The following STK33 variants were observed in gnomAD, a reference collection of about 807,000 sequenced individuals.
STK33 encodes the protein serine/threonine kinase 33, also known as serine/threonine-protein kinase 33.
In STK33, 52 loss-of-function variants were observed where a neutral mutation model predicts 58.0. That is an observed-to-expected ratio of 0.90 (90% CI 0.72 to 1.13). The LOEUF is 1.13. Among genes scored for constraint, STK33 ranks in the 50% most tolerant of loss-of-function variants. STK33 has a pLI of 0.00. For missense variants in STK33, 630 were observed against 604.2 expected (o/e 1.04, Z -0.45); for synonymous variants, 215 against 200.1 (o/e 1.07, Z -0.63).
At chr11:8,337,804 G>A in the STK33 span, among the ~76,000 whole-genome samples, 1 of 151,790 alleles carries the variant, frequency 6.6e-6, no homozygotes, top group African/African-American at 2.4e-5. Flanking sequence ...CAGGGACTTC[G>A]CATTTGTCTT....
At chr11:8,498,133 CAT>C (rs1157243377) in intron 1 of STK33, among the ~76,000 whole-genome samples, 1 of 151,968 alleles carries the variant, frequency 6.6e-6, no homozygotes, top group African/African-American at 2.4e-5. Context: ...GTAAAATAAA[CAT>C]ATCATTTTGA....
chr11:8,419,971 TTTA>T (rs1312105704), intron 14 of STK33, among the ~76,000 whole-genome samples: 1 of 152,106 alleles, frequency 6.6e-6, no homozygotes, highest in Non-Finnish European at 1.5e-5. Context: ...CTTAATTTAT[TTTA>T]TTATTATTTT....
intron 14 of STK33, among the ~76,000 whole-genome samples, chr11:8,432,902 T>C (rs75793479): frequency 0.011 from 1,718 of 152,318 alleles, 43 homozygotes; most frequent in African/African-American, 0.037. Flanking sequence ...GGCAAAGACT[T>C]CATAGAGACA....
At chr11:8,370,356 C>A in the STK33 span, among the ~76,000 whole-genome samples, 1 of 152,120 alleles carries the variant, frequency 6.6e-6, no homozygotes, top group Non-Finnish European at 1.5e-5. Context: ...TGCCACCACC[C>A]CCAGCTCATT....
At chr11:8,560,791 G>A (rs948860739) in intron 1 of STK33, among the ~76,000 whole-genome samples, 1 of 152,132 alleles carries the variant, frequency 6.6e-6, no homozygotes, top group Non-Finnish European at 1.5e-5. Context: ...TAGTAGGTTA[G>A]TAGTATCATT....
At chr11:8,354,877 G>A in the STK33 span, among the ~76,000 whole-genome samples, 6 of 152,236 alleles carry the variant, frequency 3.9e-5, no homozygotes, top group South Asian at 6.2e-4. Flanking sequence ...CTGAGCTTCC[G>A]TAATTGGAAG....
intron 1 of STK33, among the ~76,000 whole-genome samples, chr11:8,518,641 G>C (rs1361989481): frequency 1.3e-5 from 2 of 152,176 alleles, no homozygotes; most frequent in Non-Finnish European, 2.9e-5. Flanking sequence ...AAGGGATGGA[G>C]GAAGATCTAC....
intron 11 of STK33, among the ~76,000 whole-genome samples, chr11:8,445,827 T>C (rs910258975): frequency 1.3e-5 from 2 of 152,188 alleles, no homozygotes; most frequent in African/African-American, 4.8e-5. Context: ...TCAGGGATAT[T>C]GGTCTGAAAT....
chr11:8,569,815 G>C (rs1957680422), intron 1 of STK33, among the ~76,000 whole-genome samples: 1 of 152,032 alleles, frequency 6.6e-6, no homozygotes, highest in South Asian at 2.1e-4. Context: ...AAATTAGCCA[G>C]GCATGGTGGC....
At chr11:8,509,993 G>C (rs1425207317) in intron 1 of STK33, among the ~76,000 whole-genome samples, 1 of 152,132 alleles carries the variant, frequency 6.6e-6, no homozygotes, top group Non-Finnish European at 1.5e-5. Context: ...TTTATATAAT[G>C]ACTTCCTTTC....
intron 8 of STK33, among the ~76,000 whole-genome samples, chr11:8,460,284 AC>A (rs1947355475): frequency 2.0e-5 from 3 of 152,178 alleles, no homozygotes; most frequent in Non-Finnish European, 4.4e-5. Flanking sequence ...TAGAAATGAC[AC>A]CCATGACAAA....
the STK33 span, among the ~76,000 whole-genome samples, chr11:8,357,820 C>G: frequency 6.6e-6 from 1 of 152,222 alleles, no homozygotes; most frequent in Non-Finnish European, 1.5e-5. Flanking sequence ...TAGGGGAGCT[C>G]TACATGGGGC....
chr11:8,510,102 C>A (rs1473963111), intron 1 of STK33, among the ~76,000 whole-genome samples: 1 of 152,158 alleles, frequency 6.6e-6, no homozygotes, highest in East Asian at 1.9e-4. Flanking sequence ...AGTAGTTGTA[C>A]TAGTTTACAT....
At chr11:8,440,172 C>A (rs944322003) in intron 12 of STK33, among the ~76,000 whole-genome samples, 9 of 151,914 alleles carry the variant, frequency 5.9e-5, no homozygotes, top group Non-Finnish European at 7.4e-5. Flanking sequence ...GAAGGAAGAA[C>A]AAGAATGACT....
chr11:8,489,526 G>A (rs1950446540), intron 1 of STK33, among the ~76,000 whole-genome samples: 1 of 152,068 alleles, frequency 6.6e-6, no homozygotes, highest in South Asian at 2.1e-4. Flanking sequence ...GGCATCACAT[G>A]GTAAGCAAGC....
the STK33 span, among the ~76,000 whole-genome samples, chr11:8,365,835 G>A: frequency 0.049 from 7,436 of 152,046 alleles, 246 homozygotes; most frequent in Non-Finnish European, 0.07. Flanking sequence ...CAAGGCCCAT[G>A]CGCCCACCTT....
chr11:8,492,353 C>CCA (rs1950690907), intron 1 of STK33, among the ~76,000 whole-genome samples: 1 of 149,408 alleles, frequency 6.7e-6, no homozygotes, highest in African/African-American at 2.5e-5. Context: ...ACAAAGAAGG[C>CCA]CACTACATAA....
the STK33 span, among the ~76,000 whole-genome samples, chr11:8,378,124 T>A: frequency 6.6e-6 from 1 of 152,192 alleles, no homozygotes; most frequent in Admixed American, 6.5e-5. Context: ...TCCGCAGGGC[T>A]AGGGAGGCCT....
the STK33 span, among the ~76,000 whole-genome samples, chr11:8,367,063 T>A: frequency 6.6e-6 from 1 of 152,362 alleles, no homozygotes; most frequent in East Asian, 1.9e-4. Flanking sequence ...TATGTCTGCA[T>A]TGTGCATATA....
Sources: gnomAD v4.1 joint callset for allele counts (sites outside exome capture counted in the v4.1 genomes callset) on GRCh38, gnomAD v4.1.1 for gene constraint, MANE v1.5 for transcripts, NCBI Gene and HGNC (gene_info 2026-07-23, HGNC 2026-07-21) for gene names.